Variants in FABP6 observed in about 807,000 individuals in gnomAD.
FABP6 encodes fatty acid binding protein 6.
FABP6 carries 13 observed loss-of-function variants against 14.9 expected under a neutral mutation model. The observed-to-expected ratio is 0.87, with a 90% CI of 0.57 to 1.39. The LOEUF (loss-of-function observed/expected upper bound fraction) is 1.39. Among genes scored for constraint, FABP6 ranks in the 40% most tolerant of loss-of-function variants. The probability of loss-of-function intolerance (pLI) is 0.00; values close to 1 mark genes in which losing one functional copy is unlikely to be tolerated. For missense variants in FABP6, 161 were observed against 167.2 expected, an observed-to-expected ratio of 0.96 and a Z score of 0.20; for synonymous variants, 75 against 63.6, an observed-to-expected ratio of 1.18 and a Z score of -0.85.
intron 2 of FABP6, among the ~76,000 whole-genome samples, chr5:160,234,055 G>A (rs993666963): frequency 3.9e-5 from 6 of 152,070 alleles, no homozygotes; most frequent in African/African-American, 1.4e-4. Flanking sequence ...TCAGGTTGGC[G>A]GCAGCAGGGT....
intron 1 of FABP6, among the ~76,000 whole-genome samples, chr5:160,196,287 C>CA (rs1759507106): frequency 6.6e-6 from 1 of 152,200 alleles, no homozygotes; most frequent in Non-Finnish European, 1.5e-5. Context: ...AAGCCTTCCC[C>CA]AGGAGGGTTG....
upstream of FABP6, among the ~76,000 whole-genome samples, chr5:160,226,104 G>T (rs1461143431): frequency 6.6e-6 from 1 of 151,900 alleles, no homozygotes; most frequent in South Asian, 2.1e-4. Context: ...AACCTGGGAG[G>T]CAGAGGGTGC....
intron 2 of FABP6, among the ~76,000 whole-genome samples, chr5:160,206,312 C>T (rs1440447997): frequency 1.3e-5 from 2 of 152,090 alleles, no homozygotes; most frequent in Admixed American, 1.3e-4. Context: ...CCTGTAATTC[C>T]AGCTACTTGG....
chr5:160,217,798 A>G (rs1297752946), intron 3 of FABP6, among the ~76,000 whole-genome samples: 1 of 151,858 alleles, frequency 6.6e-6, no homozygotes, highest in Non-Finnish European at 1.5e-5. Flanking sequence ...CACCATGCCC[A>G]GTTGATTTAC....
At chr5:160,205,768 G>T (rs1213575518) in intron 2 of FABP6, among the ~76,000 whole-genome samples, 2 of 152,136 alleles carry the variant, frequency 1.3e-5, no homozygotes, top group African/African-American at 2.4e-5. Flanking sequence ...TGTGGGGTAT[G>T]GAAATGCTGC....
At chr5:160,218,776 T>A (rs1760071670) in intron 3 of FABP6, among the ~76,000 whole-genome samples, 1 of 149,348 alleles carries the variant, frequency 6.7e-6, no homozygotes, top group Non-Finnish European at 1.5e-5. Flanking sequence ...TTTTTTTTTA[T>A]GAGTTGGGGT....
intron 2 of FABP6, among the ~76,000 whole-genome samples, chr5:160,210,193 C>G (rs7722849): frequency 0.18 from 27,194 of 152,150 alleles, 2,486 homozygotes; most frequent in African/African-American, 0.2. Context: ...GACAGGTAAG[C>G]TGGAAAGAGA....
chr5:160,193,412 G>A (rs185773575), intron 1 of FABP6, among the ~76,000 whole-genome samples: 1 of 152,082 alleles, frequency 6.6e-6, no homozygotes, highest in Non-Finnish European at 1.5e-5. Context: ...AAAGAACAAG[G>A]CTTCCACAGT....
At chr5:160,197,486 G>A (rs1322113616) in intron 1 of FABP6, 2 of 152,264 alleles carry the variant, frequency 1.3e-5, no homozygotes, top group Non-Finnish European at 2.9e-5. Flanking sequence ...GACCAATAGA[G>A]ATAATGCAGG....
exon 2 of FABP6, chr5:160,199,137 G>A (rs1223055999): frequency 6.2e-7 from 1 of 1,614,048 alleles, no homozygotes; most frequent in Non-Finnish European, 8.5e-7. Flanking sequence ...GATGGTGGTG[G>A]AGATGCAGGC....
rs773469987 is a variant in FABP6 at position 160,229,587 on chromosome 5, G to A, written c.30G>A (p.Glu10=). 2 of 1,613,932 alleles carry A rather than the reference G, an allele frequency of 1.2e-6. No homozygotes were observed. The highest frequency in any genetic ancestry group is 2.7e-5 in the African/African-American group (2 of 74,914). MAFTGKFEM[E]SEKNYDEFMK... The stretch of plus-strand genomic sequence containing the variant: ...CTTTCACCGGCAAGTTCGAGATGGA[G>A]AGTGAGAAGAATTATGATGAGTTCA... Residue 10 remains glutamate, a synonymous_variant, in exon 1 of 4, where the codon GAG becomes GAA. Coordinates refer to ENST00000402432, the MANE Select transcript of FABP6 (RefSeq NM_001445.3).
intron 3 of FABP6, among the ~76,000 whole-genome samples, chr5:160,235,274 C>T (rs989355597): frequency 6.6e-6 from 1 of 152,162 alleles, no homozygotes; most frequent in African/African-American, 2.4e-5. Context: ...GGAGGTGGTC[C>T]AGGTGGGCTC....
chr5:160,189,801 A>C (rs114393276), intron 1 of FABP6, among the ~76,000 whole-genome samples: 2,614 of 152,314 alleles, frequency 0.017, 71 homozygotes, highest in African/African-American at 0.058. Flanking sequence ...AGATGAAGCT[A>C]TCGCATAAAG....
chr5:160,237,948 G>A (rs1488994684), intron 3 of FABP6, among the ~76,000 whole-genome samples: 1 of 151,982 alleles, frequency 6.6e-6, no homozygotes, highest in Admixed American at 6.6e-5. Flanking sequence ...GCCTCCTCTG[G>A]GCTCTCCCAC....
At chr5:160,230,209 C>G (rs1760347619) in intron 1 of FABP6, among the ~76,000 whole-genome samples, 1 of 151,950 alleles carries the variant, frequency 6.6e-6, no homozygotes, top group Admixed American at 6.6e-5. Flanking sequence ...TTAAAACACA[C>G]ATAGAATATA....
chr5:160,210,860 T>G (rs1024983291), intron 2 of FABP6, among the ~76,000 whole-genome samples: 3 of 152,226 alleles, frequency 2.0e-5, no homozygotes, highest in African/African-American at 7.2e-5. Context: ...ATGAGTTCAT[T>G]AGAAATTCAT....
chr5:160,206,445 A>C (rs188785389), intron 2 of FABP6, among the ~76,000 whole-genome samples: 14 of 152,194 alleles, frequency 9.2e-5, no homozygotes, highest in Middle Eastern at 3.4e-3. Context: ...ACAAAAAAGC[A>C]AAAAAACCCA....
intron 2 of FABP6, among the ~76,000 whole-genome samples, chr5:160,205,428 G>C (rs1759742319): frequency 6.6e-6 from 1 of 151,270 alleles, no homozygotes; most frequent in Non-Finnish European, 1.5e-5. Context: ...GCCTGCACAA[G>C]TGTGCACACT....
chr5:160,209,195 C>A (rs35115668), intron 2 of FABP6, among the ~76,000 whole-genome samples: 1 of 152,110 alleles, frequency 6.6e-6, no homozygotes, highest in Non-Finnish European at 1.5e-5. Context: ...GCACTCTGAT[C>A]TGGGCAACAG....
Sources: gnomAD v4.1 joint callset for allele counts (sites outside exome capture counted in the v4.1 genomes callset) on GRCh38, gnomAD v4.1.1 for gene constraint, MANE v1.5 for transcripts, NCBI Gene and HGNC (gene_info 2026-07-23, HGNC 2026-07-21) for gene names.